The following PDE10A variants were observed in gnomAD, a reference collection of about 807,000 sequenced individuals.
PDE10A encodes cAMP and cAMP-inhibited cGMP 3',5'-cyclic phosphodiesterase 10A.
In PDE10A, 39 loss-of-function variants were observed where a neutral mutation model predicts 97.7. The observed-to-expected ratio is 0.40, with a 90% CI of 0.31 to 0.52. PDE10A has a LOEUF of 0.52. Ranked by LOEUF, PDE10A falls within the 20% of genes least tolerant of loss-of-function variation. PDE10A has a pLI of 0.56. For missense variants in PDE10A, 731 were observed against 1,047.8 expected, an observed-to-expected ratio of 0.70 and a Z score of 4.17; for synonymous variants, 371 against 376.8, an observed-to-expected ratio of 0.98 and a Z score of 0.18.
At chr6:165,888,147 T>C (rs1283215655) in intron 1 of PDE10A, among the ~76,000 whole-genome samples, 2 of 152,186 alleles carry the variant, frequency 1.3e-5, no homozygotes, top group Non-Finnish European at 2.9e-5. Flanking sequence ...AACTTACTTT[T>C]TCAAAGAGGT....
intron 1 of PDE10A, among the ~76,000 whole-genome samples, chr6:165,764,512 A>G (rs896700538): frequency 2.8e-5 from 4 of 142,810 alleles, no homozygotes; most frequent in Admixed American, 2.1e-4. Flanking sequence ...ACAGCTCTTA[A>G]GGTGGTGTGT....
intron 1 of PDE10A, among the ~76,000 whole-genome samples, chr6:165,798,640 A>G (rs1778892212): frequency 6.6e-6 from 1 of 152,156 alleles, no homozygotes; most frequent in South Asian, 2.1e-4. Context: ...TAATAGAAAA[A>G]TCTGGAAATC....
intron 2 of PDE10A, among the ~76,000 whole-genome samples, chr6:165,500,320 G>C (rs986263817): frequency 1.3e-5 from 2 of 152,178 alleles, no homozygotes; most frequent in Admixed American, 6.5e-5. Context: ...CTGTGTCTAC[G>C]CAGAAAGAAG....
At chr6:165,349,961 A>G (rs1782588551) in intron 18 of PDE10A, among the ~76,000 whole-genome samples, 1 of 152,214 alleles carries the variant, frequency 6.6e-6, no homozygotes, top group African/African-American at 2.4e-5. Context: ...GTCCAGGCAG[A>G]AGTTTGCTGC....
intron 1 of PDE10A, among the ~76,000 whole-genome samples, chr6:165,818,091 A>G (rs932308052): frequency 6.6e-6 from 1 of 152,136 alleles, no homozygotes; most frequent in African/African-American, 2.4e-5. Flanking sequence ...CTCAATTGTG[A>G]TGAGGCTGCC....
chr6:165,794,685 G>T (rs112347886), intron 1 of PDE10A, among the ~76,000 whole-genome samples: 11 of 152,144 alleles, frequency 7.2e-5, no homozygotes, highest in African/African-American at 2.4e-4. Flanking sequence ...ACACTGACAG[G>T]AATATTTTCT....
intron 2 of PDE10A, among the ~76,000 whole-genome samples, chr6:165,515,215 T>A (rs1173214867): frequency 6.6e-6 from 1 of 152,206 alleles, no homozygotes; most frequent in African/African-American, 2.4e-5. Context: ...TTCTAATGTT[T>A]CTAAAATGTT....
At chr6:165,521,932 C>T (rs1414793831) in intron 2 of PDE10A, among the ~76,000 whole-genome samples, 2 of 152,104 alleles carry the variant, frequency 1.3e-5, no homozygotes, top group African/African-American at 2.4e-5. Flanking sequence ...AATATTTGTC[C>T]ATTTGTAACT....
intron 18 of PDE10A, among the ~76,000 whole-genome samples, chr6:165,363,494 C>T (rs554859966): frequency 6.3e-4 from 95 of 150,886 alleles, no homozygotes; most frequent in African/African-American, 2.2e-3. Context: ...CCAGCCTGGG[C>T]GACTGAGTGA....
chr6:165,863,121 C>T (rs1780952570), intron 1 of PDE10A, among the ~76,000 whole-genome samples: 1 of 152,220 alleles, frequency 6.6e-6, no homozygotes, highest in Non-Finnish European at 1.5e-5. Context: ...TTAAAACTGA[C>T]TGTGTTTGGG....
intron 1 of PDE10A, among the ~76,000 whole-genome samples, chr6:165,677,847 T>C (rs947388618): frequency 6.6e-6 from 1 of 152,100 alleles, no homozygotes; most frequent in Non-Finnish European, 1.5e-5. Context: ...CGTTTGTGTA[T>C]GTGTGTGTTT....
chr6:165,482,627 G>C (rs1779672281), intron 2 of PDE10A, among the ~76,000 whole-genome samples: 1 of 151,952 alleles, frequency 6.6e-6, no homozygotes, highest in Non-Finnish European at 1.5e-5. Flanking sequence ...GCTACACTGG[G>C]GTATATTCAA....
chr6:165,876,362 G>A (rs752892441), intron 1 of PDE10A, among the ~76,000 whole-genome samples: 4 of 152,126 alleles, frequency 2.6e-5, no homozygotes, highest in African/African-American at 4.8e-5. Flanking sequence ...ATAAAGAAGT[G>A]TGTCATTCTA....
intron 5 of PDE10A, among the ~76,000 whole-genome samples, chr6:165,438,897 A>T (rs1315773815): frequency 6.6e-6 from 1 of 151,248 alleles, no homozygotes; most frequent in Non-Finnish European, 1.5e-5. Flanking sequence ...GTTTGAGGTT[A>T]CAGTGAGCTG....
At chr6:165,719,000 T>C (rs1233956392) in intron 1 of PDE10A, among the ~76,000 whole-genome samples, 2 of 152,196 alleles carry the variant, frequency 1.3e-5, no homozygotes, top group Non-Finnish European at 2.9e-5. Context: ...AAGAAGCAAG[T>C]GAAGAACAAT....
chr6:165,806,649 G>GCCCC (rs11420041), intron 1 of PDE10A, among the ~76,000 whole-genome samples: 1 of 150,160 alleles, frequency 6.7e-6, no homozygotes, highest in East Asian at 2.0e-4. Flanking sequence ...TCTGCTGAGC[G>GCCCC]CCCCCCCCCA....
At chr6:165,482,140 C>A (rs577777412) in intron 3 of PDE10A, among the ~76,000 whole-genome samples, 175 bp downstream of exon 3, 3 of 152,314 alleles carry the variant, frequency 2.0e-5, no homozygotes, top group Non-Finnish European at 2.9e-5. Flanking sequence ...TTGAGGCCTT[C>A]AATTTGCACC....
At chr6:165,337,805 C>T (rs950796800) in intron 20 of PDE10A, among the ~76,000 whole-genome samples, 5 of 152,182 alleles carry the variant, frequency 3.3e-5, no homozygotes, top group South Asian at 2.1e-4. Context: ...CTATACCATG[C>T]ATTCTTGGGA....
chr6:165,677,374 T>G (rs963382270), intron 1 of PDE10A, among the ~76,000 whole-genome samples: 1 of 152,182 alleles, frequency 6.6e-6, no homozygotes, highest in African/African-American at 2.4e-5. Flanking sequence ...GTGAGCCGGT[T>G]CCTTAAAAGC....
Sources: allele counts gnomAD v4.1 joint callset (sites outside exome capture counted in the v4.1 genomes callset), GRCh38; gene constraint gnomAD v4.1.1; transcripts MANE v1.5; gene names NCBI Gene and HGNC (gene_info 2026-07-23, HGNC 2026-07-21).